SPIDR: variants seen among roughly 807,000 people sequenced by gnomAD.
The protein encoded by SPIDR is DNA repair-scaffolding protein.
In SPIDR, 93 loss-of-function variants were observed where a neutral mutation model predicts 104.6. The observed-to-expected ratio is 0.89, with a 90% CI of 0.75 to 1.06. The LOEUF is 1.06. Ranked by LOEUF, SPIDR falls within the 50% of genes least tolerant of loss-of-function variation. The probability of loss-of-function intolerance (pLI) is 0.00; values close to 1 mark genes in which losing one functional copy is unlikely to be tolerated. For missense variants in SPIDR, 1,154 were observed against 1,111.2 expected, an observed-to-expected ratio of 1.04 and a Z score of -0.55; for synonymous variants, 431 against 416.9, an observed-to-expected ratio of 1.03 and a Z score of -0.41.
chr8:47,458,326 T>TTTTAC (rs2073352940), intron 8 of SPIDR, among the ~76,000 whole-genome samples: 1 of 50,778 alleles, frequency 2.0e-5, no homozygotes, highest in Non-Finnish European at 4.1e-5. Flanking sequence ...TTCCTAAGTA[T>TTTTAC]TTTATTTTAT....
chr8:47,706,006 T>G (rs560138014), intron 14 of SPIDR, among the ~76,000 whole-genome samples: 1 of 152,310 alleles, frequency 6.6e-6, no homozygotes, highest in South Asian at 2.1e-4. Flanking sequence ...GTAATAATTA[T>G]AGTTTCACAG....
chr8:47,263,787 A>C (rs1480577054), intron 1 of SPIDR, among the ~76,000 whole-genome samples: 4 of 151,350 alleles, frequency 2.6e-5, no homozygotes, highest in African/African-American at 9.7e-5. Context: ...CCCAAATTTC[A>C]CCTCCCAAAT....
At position 47,349,007 on chromosome 8, in the gene SPIDR, C is replaced by T. The variant is rs572580742; in HGVS notation, c.526-47369C>T. Among the ~76,000 whole-genome samples, 6 of 152,316 alleles carry T rather than the reference C, an allele frequency of 3.9e-5. No homozygotes were observed. In the South Asian group the frequency reaches 8.3e-4, roughly 21 times the overall value. On this transcript the variant is annotated intron_variant, in intron 5 of 19. Coordinates refer to ENST00000297423, the MANE Select transcript of SPIDR (RefSeq NM_001080394.4). ...TTATTTGATTGCTCGTGAGGAGCTG[C>T]GATCCTTTGGAGGGGAAGAGGCCCT... is the stretch of plus-strand genomic sequence containing the variant.
intron 5 of SPIDR, among the ~76,000 whole-genome samples, chr8:47,308,659 A>G (rs2043567799): frequency 6.6e-6 from 1 of 151,978 alleles, no homozygotes. Flanking sequence ...GGGGTGGGAG[A>G]GGGCTTGTAA....
At chr8:47,519,302 G>C (rs2083653782) in intron 8 of SPIDR, among the ~76,000 whole-genome samples, 1 of 152,120 alleles carries the variant, frequency 6.6e-6, no homozygotes. Flanking sequence ...ATGCCACCAT[G>C]CCCAACTAAT....
chr8:47,507,281 C>T (rs1360096219), intron 8 of SPIDR, among the ~76,000 whole-genome samples: 1 of 152,186 alleles, frequency 6.6e-6, no homozygotes, highest in African/African-American at 2.4e-5. Context: ...TGATATGTGC[C>T]CATAAAGCGT....
At position 47,592,466 on chromosome 8, in the gene SPIDR, AG is replaced by A. The variant is rs2061146100; in HGVS notation, c.1098-3340del. 24 of 1,428,690 alleles carry A rather than the reference AG, an allele frequency of 1.7e-5. No homozygotes were observed. In the South Asian group the frequency reaches 2.1e-4, roughly 12 times the overall value. The allele number at this position is 1,428,690 out of a possible 1,614,324, so 88.5% of individuals were successfully genotyped here. On this transcript the variant is annotated intron_variant, in intron 8 of 19. Coordinates refer to ENST00000297423, the MANE Select transcript of SPIDR (RefSeq NM_001080394.4). ...TCAAGTTTAAAAGTCCCTCCCTCAA[AG>A]GGGGAAGGAATCCTGAGAGCCAGCA...
chr8:47,460,123 A>G (rs1403570763), intron 8 of SPIDR, among the ~76,000 whole-genome samples: 4 of 152,180 alleles, frequency 2.6e-5, no homozygotes, highest in Admixed American at 2.0e-4. Flanking sequence ...TTTGTTGGGT[A>G]GAATATTTTG....
intron 6 of SPIDR, among the ~76,000 whole-genome samples, chr8:47,401,354 A>G (rs2061856980): frequency 1.3e-5 from 2 of 152,206 alleles, no homozygotes; most frequent in African/African-American, 2.4e-5. Context: ...GAAAGGAGCA[A>G]CTGGTACCAG....
chr8:47,321,699 A>G (rs1029212811), intron 5 of SPIDR, among the ~76,000 whole-genome samples: 3 of 152,206 alleles, frequency 2.0e-5, no homozygotes, highest in Admixed American at 6.5e-5. Context: ...AAACTATACT[A>G]CAAGGCTGCA....
intron 8 of SPIDR, among the ~76,000 whole-genome samples, chr8:47,494,451 T>C (rs2079152650): frequency 6.6e-6 from 1 of 152,054 alleles, no homozygotes; most frequent in African/African-American, 2.4e-5. Context: ...TCAATGAAAA[T>C]AGAAATAAAT....
chr8:47,595,951 C>G lies in SPIDR; in HGVS notation c.1238C>G (p.Ser413Cys), dbSNP rs376313020. Residue 413 changes from serine to cysteine, a missense_variant, in exon 9 of 20, where the codon TCT (serine) becomes TGT (cysteine). By Grantham distance (112) the Ser-to-Cys change is moderately radical. Coordinates refer to ENST00000297423, the MANE Select transcript of SPIDR (RefSeq NM_001080394.4). ...PDIPLPRRSI[S>C]LAQMFVIKGL... ...ATACCCCTTCCAAGAAGAAGCATCT[C>G]TTTGGCCCAGATGTTTGTAATTAAG... 1.9e-6 allele frequency: 3 copies of G among 1,614,154 alleles called. No homozygotes were observed. The highest frequency in any genetic ancestry group is 2.2e-5 in the East Asian group (1 of 44,878).
intron 5 of SPIDR, among the ~76,000 whole-genome samples, chr8:47,319,958 G>T (rs965688120): frequency 7.3e-5 from 11 of 151,526 alleles, no homozygotes; most frequent in Non-Finnish European, 1.5e-4. Flanking sequence ...GTGTGTAGAG[G>T]GAAATTTATA....
intron 8 of SPIDR, among the ~76,000 whole-genome samples, chr8:47,529,761 C>T (rs2085625274): frequency 6.6e-6 from 1 of 151,894 alleles, no homozygotes; most frequent in Non-Finnish European, 1.5e-5. Context: ...GGTCATAGTT[C>T]ATGTATAAAT....
At chr8:47,404,691 T>C (rs2062466356) in intron 6 of SPIDR, among the ~76,000 whole-genome samples, 1 of 152,098 alleles carries the variant, frequency 6.6e-6, no homozygotes, top group Non-Finnish European at 1.5e-5. Flanking sequence ...CATTAAAAAG[T>C]CAGGAAACAA....
intron 8 of SPIDR, among the ~76,000 whole-genome samples, chr8:47,541,144 G>A (rs1277797191): frequency 6.6e-6 from 1 of 152,236 alleles, no homozygotes. Context: ...ACAGGCACGA[G>A]CCACTGCGCC....
chr8:47,563,932 G>A (rs766725830), intron 8 of SPIDR, among the ~76,000 whole-genome samples: 1 of 152,000 alleles, frequency 6.6e-6, no homozygotes, highest in African/African-American at 2.4e-5. Flanking sequence ...TTACTTTCCT[G>A]TTCAGTCTGA....
At chr8:47,523,383 T>C (rs1304346219) in intron 8 of SPIDR, among the ~76,000 whole-genome samples, 1 of 152,176 alleles carries the variant, frequency 6.6e-6, no homozygotes, top group Non-Finnish European at 1.5e-5. Flanking sequence ...TATGGACTAA[T>C]GTGGACTGAG....
chr8:47,306,562 G>A (rs2043127928), intron 5 of SPIDR, among the ~76,000 whole-genome samples: 1 of 152,198 alleles, frequency 6.6e-6, no homozygotes, highest in Non-Finnish European at 1.5e-5. Flanking sequence ...CACTTGAGAA[G>A]AATATGTATG....
Sources: gnomAD v4.1 joint callset for allele counts (sites outside exome capture counted in the v4.1 genomes callset) on GRCh38, gnomAD v4.1.1 for gene constraint, MANE v1.5 for transcripts, NCBI Gene and HGNC (gene_info 2026-07-23, HGNC 2026-07-21) for gene names.